Variants in RANBP17 observed in about 807,000 individuals in gnomAD.
The protein encoded by RANBP17 is ran-binding protein 17.
RANBP17 carries 158 observed loss-of-function variants against 141.2 expected under a neutral mutation model. The ratio of observed to expected loss-of-function variants is 1.12; its 90% CI spans 0.98 to 1.28. The LOEUF (loss-of-function observed/expected upper bound fraction) is 1.28, where lower values mean the gene tolerates loss of function less well. Among genes scored for constraint, RANBP17 ranks in the 50% most tolerant of loss-of-function variants. RANBP17 has a pLI of 0.00. For synonymous variants in RANBP17, 430 were observed against 450.0 expected (o/e 0.96, Z 0.56); for missense variants, 1,438 against 1,290.7 (o/e 1.11, Z -1.75).
At chr5:170,972,838 A>G (rs555934330) in intron 14 of RANBP17, among the ~76,000 whole-genome samples, 2 of 152,014 alleles carry the variant, frequency 1.3e-5, no homozygotes, top group African/African-American at 2.4e-5. Context: ...GTCTGTTTCT[A>G]TTGTCATTAT....
chr5:170,902,059 C>T (rs369392887), intron 5 of RANBP17, among the ~76,000 whole-genome samples: 1 of 152,086 alleles, frequency 6.6e-6, no homozygotes, highest in African/African-American at 2.4e-5. Flanking sequence ...TGAATTTGAA[C>T]GTTAGCCTGT....
At chr5:171,160,238 A>G (rs1759243141) in intron 14 of RANBP17, among the ~76,000 whole-genome samples, 1 of 152,050 alleles carries the variant, frequency 6.6e-6, no homozygotes, top group Non-Finnish European at 1.5e-5. Flanking sequence ...TCTTTGCAAG[A>G]CTCAAAGACT....
At chr5:171,211,090 CAAA>C (rs1189690526) in intron 20 of RANBP17, among the ~76,000 whole-genome samples, 2 of 149,882 alleles carry the variant, frequency 1.3e-5, no homozygotes, top group Non-Finnish European at 3.0e-5. Flanking sequence ...CTACATCTAT[CAAA>C]AATAACAGCT....
At chr5:171,120,147 A>C (rs1019110958) in intron 14 of RANBP17, among the ~76,000 whole-genome samples, 2 of 151,364 alleles carry the variant, frequency 1.3e-5, no homozygotes, top group Non-Finnish European at 2.9e-5. Flanking sequence ...CTTTTCCCTT[A>C]CTTTCTTCCA....
chr5:171,036,359 A>G (rs1414511622), intron 14 of RANBP17, among the ~76,000 whole-genome samples: 2 of 151,880 alleles, frequency 1.3e-5, no homozygotes, highest in Non-Finnish European at 2.9e-5. Flanking sequence ...AGAGGTCACA[A>G]TTTCCTTCTT....
chr5:171,204,001 GAA>G (rs1192744831), intron 19 of RANBP17, among the ~76,000 whole-genome samples: 1 of 152,110 alleles, frequency 6.6e-6, no homozygotes, highest in African/African-American at 2.4e-5. Context: ...GAAAAGCTGA[GAA>G]AGAGAGGAAC....
intron 4 of RANBP17, 89 bp downstream of exon 4, chr5:170,892,642 T>C: frequency 2.1e-6 from 2 of 943,052 alleles, no homozygotes; most frequent in Non-Finnish European, 1.6e-6. Flanking sequence ...ATAGTTTGTT[T>C]TGTGACTACC....
In RANBP17 at chr5:171,037,053, C is replaced by A. The variant is rs549996845; in HGVS notation, c.1710+68676C>A. On this transcript the variant is annotated intron_variant, in intron 14 of 27. Transcript: ENST00000523189. ...TAGCTGAATTAATACATGTTCCCCCCCAACAGTGTATAAGCGTTCCCTTAT... is the reference window on the plus strand; with the variant it reads ...TAGCTGAATTAATACATGTTCCCCCACAACAGTGTATAAGCGTTCCCTTAT... Among the ~76,000 whole-genome samples the A allele has an allele frequency of 3.3e-5, 5 of 152,178 alleles. No homozygotes were observed. The East Asian group carries it at 9.6e-4, about 29-fold the overall frequency.
chr5:171,060,772 G>A (rs560393520), intron 14 of RANBP17, among the ~76,000 whole-genome samples: 17 of 152,068 alleles, frequency 1.1e-4, no homozygotes, highest in East Asian at 9.7e-4. Context: ...GGTAGAATTC[G>A]GCTGTGAATC....
At chr5:171,028,078 A>C (rs1022957624) in intron 14 of RANBP17, among the ~76,000 whole-genome samples, 7 of 152,076 alleles carry the variant, frequency 4.6e-5, no homozygotes, top group African/African-American at 1.7e-4. Flanking sequence ...CTTTCCCATG[A>C]AGGAAAACAG....
chr5:170,908,828 C>G (rs530331958), intron 5 of RANBP17, among the ~76,000 whole-genome samples: 1 of 151,992 alleles, frequency 6.6e-6, no homozygotes, highest in Non-Finnish European at 1.5e-5. Flanking sequence ...GGAAGTATCA[C>G]ATAATCAATT....
intron 14 of RANBP17, among the ~76,000 whole-genome samples, chr5:171,167,763 T>A (rs898847592): frequency 6.6e-6 from 1 of 152,144 alleles, no homozygotes; most frequent in Non-Finnish European, 1.5e-5. Context: ...CTACTGTTAG[T>A]TGATTTTATA....
chr5:171,143,141 G>A (rs1757811007), intron 14 of RANBP17: 2 of 152,184 alleles, frequency 1.3e-5, no homozygotes, highest in South Asian at 2.1e-4. Context: ...GTCCAGATTT[G>A]ATACCTCCAC....
chr5:170,907,208 G>A (rs1009947897), intron 5 of RANBP17, among the ~76,000 whole-genome samples: 7 of 151,846 alleles, frequency 4.6e-5, no homozygotes, highest in Non-Finnish European at 8.8e-5. Flanking sequence ...TAGAGTTTCT[G>A]TTCCTGGAGT....
intron 11 of RANBP17, among the ~76,000 whole-genome samples, chr5:170,921,391 A>G (rs1205855449): frequency 6.6e-6 from 1 of 152,208 alleles, no homozygotes; most frequent in African/African-American, 2.4e-5. Flanking sequence ...GACAAAGATC[A>G]GATGGTTGTA....
intron 24 of RANBP17, among the ~76,000 whole-genome samples, chr5:171,262,623 A>G (rs1019568883): frequency 6.6e-5 from 10 of 152,122 alleles, no homozygotes; most frequent in African/African-American, 2.4e-4. Context: ...CACTGCAAAC[A>G]TTTATCATTT....
intron 22 of RANBP17, among the ~76,000 whole-genome samples, chr5:171,225,777 G>T (rs1763844453): frequency 6.6e-6 from 1 of 152,186 alleles, no homozygotes; most frequent in South Asian, 2.1e-4. Flanking sequence ...TATGTATTTT[G>T]TGAAATACCT....
rs1313931333 is a variant in RANBP17, at chr5:170,924,560, CTT to C, written c.1468+12_1468+13del. 1.3e-6 allele frequency: 2 copies of C among 1,528,420 alleles called. No homozygotes were observed. Among genetic ancestry groups the C allele is most frequent in the Non-Finnish European group, 1.8e-6 (2 of 1,106,518 alleles). The allele number at this position is 1,528,420 out of a possible 1,614,324, so 94.7% of individuals were successfully genotyped here. On this transcript the variant is annotated intron_variant, in intron 12 of 27. Transcript: ENST00000523189. ...ATCACCATTCAGGAAGGTCAGTAAACTTTATATGACTACTGAGTATTATGTTG... is the reference window on the plus strand; with the variant it reads ...ATCACCATTCAGGAAGGTCAGTAAACTATATGACTACTGAGTATTATGTTG...
intron 24 of RANBP17, among the ~76,000 whole-genome samples, chr5:171,248,045 TAGAAG>T (rs1051666400): frequency 1.3e-5 from 2 of 152,072 alleles, no homozygotes; most frequent in African/African-American, 4.8e-5. Context: ...ATAGAACATC[TAGAAG>T]AGAAGACTAG....
Sources: allele counts gnomAD v4.1 joint callset (sites outside exome capture counted in the v4.1 genomes callset), GRCh38; gene constraint gnomAD v4.1.1; transcripts MANE v1.5; gene names NCBI Gene and HGNC (gene_info 2026-07-23, HGNC 2026-07-21).